Variants in NPAS3 observed in about 807,000 individuals in gnomAD.
The protein encoded by NPAS3 is neuronal PAS domain protein 3.
NPAS3 carries 14 observed loss-of-function variants against 73.1 expected under a neutral mutation model. The ratio of observed to expected loss-of-function variants is 0.19; its 90% CI spans 0.13 to 0.30. The LOEUF (loss-of-function observed/expected upper bound fraction) is 0.30, where lower values mean the gene tolerates loss of function less well. Ranked by LOEUF, NPAS3 falls within the 10% of genes least tolerant of loss-of-function variation. The probability of loss-of-function intolerance (pLI) is 1.00; values close to 1 mark genes in which losing one functional copy is unlikely to be tolerated. For synonymous variants in NPAS3, 620 were observed against 541.5 expected (o/e 1.14, Z -2.01); for missense variants, 1,096 against 1,250.0 (o/e 0.88, Z 1.86).
intron 3 of NPAS3, among the ~76,000 whole-genome samples, chr14:33,267,532 T>A (rs911671186): frequency 1.3e-5 from 2 of 152,246 alleles, no homozygotes; most frequent in East Asian, 3.9e-4. Flanking sequence ...GCTTATGAAA[T>A]CTCAACCATG....
At chr14:33,688,387 A>T (rs1398020818) in intron 6 of NPAS3, among the ~76,000 whole-genome samples, 1 of 152,158 alleles carries the variant, frequency 6.6e-6, no homozygotes, top group Admixed American at 6.5e-5. Flanking sequence ...TGACTGTGGG[A>T]AACTTTTTTT....
At chr14:33,390,836 A>G (rs1238939450) in intron 4 of NPAS3, among the ~76,000 whole-genome samples, 2 of 152,034 alleles carry the variant, frequency 1.3e-5, no homozygotes, top group Non-Finnish European at 2.9e-5. Context: ...TTTTTATTTT[A>G]TTACCATGTT....
intron 2 of NPAS3, among the ~76,000 whole-genome samples, chr14:33,152,702 G>A (rs117499487): frequency 0.034 from 5,122 of 152,142 alleles, 109 homozygotes; most frequent in Middle Eastern, 0.085. Context: ...CTTTGTTGTT[G>A]AGAGAGATTG....
chr14:33,495,598 G>A (rs543734811), intron 4 of NPAS3, among the ~76,000 whole-genome samples: 17 of 152,172 alleles, frequency 1.1e-4, no homozygotes, highest in Admixed American at 9.8e-4. Flanking sequence ...CTATTATTGC[G>A]TGGGAGTCTA....
intron 3 of NPAS3, among the ~76,000 whole-genome samples, chr14:33,245,278 C>G (rs1312184186): frequency 6.6e-6 from 1 of 152,150 alleles, no homozygotes; most frequent in Non-Finnish European, 1.5e-5. Flanking sequence ...ATAACTACTA[C>G]TACTGAGTAT....
At chr14:33,690,811 G>A (rs2060214516) in intron 6 of NPAS3, among the ~76,000 whole-genome samples, 1 of 145,000 alleles carries the variant, frequency 6.9e-6, no homozygotes, top group Non-Finnish European at 1.5e-5. Flanking sequence ...TGGATATTCA[G>A]TAAACTGGCA....
At position 33,760,679 on chromosome 14, in the gene NPAS3, G is replaced by A. The variant is rs1332160122; in HGVS notation, c.853-13658G>A. Among the ~76,000 whole-genome samples, 3 of 150,800 alleles carry A rather than the reference G, an allele frequency of 2.0e-5. No individual in the cohort carries two copies. In the South Asian group the frequency reaches 6.2e-4, roughly 31 times the overall value. ...ATCCTGCCTAAAGCCTCTCCTTTGG[G>A]GGTTATGTCTGCCTAAACCAAACAA... is the stretch of plus-strand genomic sequence containing the variant. On this transcript the variant is annotated intron_variant, in intron 7 of 11. Coordinates refer to ENST00000356141, the Ensembl canonical transcript of NPAS3.
Position 33,789,640 on chromosome 14 carries a change from G to A in NPAS3, c.1154-4257G>A, listed in dbSNP as rs977503903. The stretch of plus-strand genomic sequence containing the variant: ...GTCTCGCTCTGTCGCCCAGGCTGGA[G>A]TGCAGTGGCGGGATCTCGGCTCACT... On this transcript the variant is annotated intron_variant, in intron 9 of 11. Transcript: ENST00000356141. Among the ~76,000 whole-genome samples, 3 of 132,190 alleles carry A rather than the reference G, an allele frequency of 2.3e-5. No individual in the cohort carries two copies. In the Admixed American group the frequency reaches 2.4e-4, roughly 11 times the overall value. The allele number at this position is 132,190 out of a possible 152,430, so 86.7% of individuals were successfully genotyped here. A position where few individuals can be genotyped will look rare whatever the true frequency, so the allele number is the denominator to read the frequency against.
chr14:33,661,576 T>C (rs1176282482), intron 5 of NPAS3, among the ~76,000 whole-genome samples: 1 of 152,232 alleles, frequency 6.6e-6, no homozygotes, highest in East Asian at 1.9e-4. Context: ...ACCACAATTG[T>C]CTACATTTCT....
intron 4 of NPAS3, among the ~76,000 whole-genome samples, chr14:33,549,777 C>T (rs935370038): frequency 6.6e-6 from 1 of 152,088 alleles, no homozygotes; most frequent in Non-Finnish European, 1.5e-5. Flanking sequence ...TACTTACCTT[C>T]TTCATAGACA....
chr14:33,156,398 A>T (rs1260459119), intron 2 of NPAS3, among the ~76,000 whole-genome samples: 2 of 152,178 alleles, frequency 1.3e-5, no homozygotes, highest in African/African-American at 4.8e-5. Context: ...AGCTTTTTAA[A>T]TTAAAGGCTG....
At chr14:33,526,952 A>G (rs1035522007) in intron 4 of NPAS3, among the ~76,000 whole-genome samples, 1 of 152,148 alleles carries the variant, frequency 6.6e-6, no homozygotes, top group African/African-American at 2.4e-5. Context: ...TCATTCAATG[A>G]GTGTTCAGCA....
Position 33,119,150 on chromosome 14 carries a change from A to G in NPAS3, c.140+63156A>G, listed in dbSNP as rs554657290. On this transcript the variant is annotated intron_variant, in intron 2 of 11. Coordinates refer to ENST00000356141, the Ensembl canonical transcript of NPAS3. ...TCAGGCAAGCAGTTGGTATCATGTA[A>G]TGTTACTTAAAGTGTTCAATTGCAA... is the stretch of plus-strand genomic sequence containing the variant. Among the ~76,000 whole-genome samples, 5 of 152,200 alleles carry G rather than the reference A, an allele frequency of 3.3e-5. No individual in the cohort carries two copies. In the South Asian group the frequency reaches 1.0e-3, roughly 32 times the overall value.
chr14:33,272,342 A>G, intron 3 of NPAS3, among the ~76,000 whole-genome samples: 1 of 152,180 alleles, frequency 6.6e-6, no homozygotes. Flanking sequence ...TTGGCTACAG[A>G]TTTAGTTTCT....
intron 3 of NPAS3, among the ~76,000 whole-genome samples, chr14:33,322,491 T>C (rs2043496689): frequency 6.9e-6 from 1 of 144,830 alleles, no homozygotes; most frequent in Non-Finnish European, 1.5e-5. Flanking sequence ...ATATGTGTGT[T>C]ACATACATAC....
chr14:32,954,443 T>C (rs923990581), intron 1 of NPAS3, among the ~76,000 whole-genome samples: 1 of 152,310 alleles, frequency 6.6e-6, no homozygotes, highest in Non-Finnish European at 1.5e-5. Context: ...TTCTCTTTTA[T>C]AGATGAGGTC....
At chr14:33,535,718 C>T (rs972586729) in intron 4 of NPAS3, among the ~76,000 whole-genome samples, 9 of 152,022 alleles carry the variant, frequency 5.9e-5, no homozygotes, top group Non-Finnish European at 7.4e-5. Flanking sequence ...TTAATGAAGA[C>T]GAATTACTCT....
chr14:33,430,454 TTAGA>T (rs1432989669), intron 4 of NPAS3, among the ~76,000 whole-genome samples: 1 of 152,114 alleles, frequency 6.6e-6, no homozygotes, highest in Non-Finnish European at 1.5e-5. Flanking sequence ...GATCAGATTC[TTAGA>T]GCATGGGTGG....
intron 1 of NPAS3, among the ~76,000 whole-genome samples, chr14:32,955,692 G>A (rs1301953691): frequency 6.6e-6 from 1 of 151,998 alleles, no homozygotes; most frequent in Non-Finnish European, 1.5e-5. Flanking sequence ...CACCTTCTTG[G>A]AACAGAGTTA....
Sources: allele counts gnomAD v4.1 joint callset (sites outside exome capture counted in the v4.1 genomes callset), GRCh38; gene constraint gnomAD v4.1.1; transcripts MANE v1.5; gene names NCBI Gene and HGNC (gene_info 2026-07-23, HGNC 2026-07-21).